ZNF236: variants seen among roughly 807,000 people sequenced by gnomAD.
ZNF236 encodes the protein regulated by glucose.
Under a neutral mutation model 191.2 loss-of-function variants are expected in ZNF236, and 50 were observed. The observed-to-expected ratio is 0.26, with a 90% confidence interval of 0.21 to 0.33. The LOEUF (loss-of-function observed/expected upper bound fraction) is 0.33. Ranked by LOEUF, ZNF236 falls within the 10% of genes least tolerant of loss-of-function variation. The pLI is 1.00. For synonymous variants in ZNF236, 907 were observed against 928.8 expected (o/e 0.98, Z 0.43); for missense variants, 1,754 against 2,374.5 (o/e 0.74, Z 5.43).
At chr18:76,867,622 G>A (rs1976454262) in intron 3 of ZNF236, among the ~76,000 whole-genome samples, 1 of 152,158 alleles carries the variant, frequency 6.6e-6, no homozygotes, top group African/African-American at 2.4e-5. Flanking sequence ...TCATTTTGAG[G>A]ATCATTTAAG....
rs1967198618 is a variant in ZNF236, at chr18:76,910,798, A to G, written c.2792A>G (p.Asp931Gly). Residue 931 changes from aspartate to glycine, a missense_variant, in exon 16 of 31, where the codon GAT (aspartate) becomes GGT (glycine). By Grantham distance (94) the Asp-to-Gly change is moderately conservative (BLOSUM62 -1). Around this residue, in one of 5 missense-constraint regions of ZNF236, gnomAD observed 641 missense variants for 869.6 expected, o/e 0.74. Coordinates refer to ENST00000320610, the MANE Select transcript of ZNF236 (RefSeq NM_001306089.2). ...AGCTTGCTGCAGGCTCCCAGCTCTGATGGGATGAATGTAGTGAGTATGGAC... is the reference window on the plus strand; with the variant it reads ...AGCTTGCTGCAGGCTCCCAGCTCTGGTGGGATGAATGTAGTGAGTATGGAC... ...QQSLLQAPSS[D>G]GMNVTTRLIQ... 6.2e-7 allele frequency: 1 copy of G among 1,613,956 alleles called. No individual in the cohort carries two copies. Among genetic ancestry groups the G allele is most frequent in the Non-Finnish European group, 8.5e-7 (1 of 1,179,986 alleles).
chr18:76,943,508 G>A (rs905203769), intron 26 of ZNF236, among the ~76,000 whole-genome samples: 1 of 152,168 alleles, frequency 6.6e-6, no homozygotes, highest in African/African-American at 2.4e-5. Context: ...ACTTATTCAT[G>A]AAGGGAATTC....
At position 76,939,250 on chromosome 18, in the gene ZNF236, T is replaced by A. The variant is rs147947126; in HGVS notation, c.4782+1907T>A. 3.7e-3 allele frequency among the ~76,000 whole-genome samples: 559 copies of A among 152,218 alleles called. 2 individuals carry two copies. Among genetic ancestry groups the A allele is most frequent in the African/African-American group, 0.013 (523 of 41,534 alleles). On this transcript the variant is annotated intron_variant, in intron 26 of 30. Coordinates refer to ENST00000320610, the MANE Select transcript of ZNF236 (RefSeq NM_001306089.2). ...TGGGAGTCTGAGGCAAGAGAATCAC[T>A]TGAACCTGGGAGGCAGAGATTGCTG...
Position 76,884,234 on chromosome 18 carries a change from T to C in ZNF236, c.1417+2722T>C, listed in dbSNP as rs143386529. ...GGACAACATGGTGAAACCCCGTCTC[T>C]ATTAAAAATACAAAAAATTAGCTGG... On this transcript the variant is annotated intron_variant, in intron 9 of 30. Coordinates refer to ENST00000320610, the MANE Select transcript of ZNF236 (RefSeq NM_001306089.2). Among the ~76,000 whole-genome samples the C allele has an allele frequency of 4.7e-3, 718 of 152,096 alleles. 6 individuals are homozygous for C. Among genetic ancestry groups the C allele is most frequent in the African/African-American group, 0.017 (691 of 41,472 alleles).
At chr18:76,905,669 T>C (rs954642993) in intron 13 of ZNF236, among the ~76,000 whole-genome samples, 7 of 152,322 alleles carry the variant, frequency 4.6e-5, no homozygotes, top group Middle Eastern at 3.4e-3. Context: ...TTATATTCTG[T>C]AAGCTGTCTT....
Position 76,908,501 on chromosome 18 carries a change from C to T in ZNF236, c.2479C>T (p.Gln827Ter). 6.2e-7 allele frequency: 1 copy of T among 1,614,040 alleles called. No individual in the cohort carries two copies. Residue 827 changes from glutamine (Q) to a stop codon, truncating the protein, a stop_gained, in exon 14 of 31, where the codon CAG becomes TAG. Transcript: ENST00000320610. LOFTEE classifies it high-confidence loss of function. ...CGAGGCCATGCTGGACCTGGAGCCT[C>T]AGCATGTGGTGGGCACGGAGGAAGC... Reference protein sequence around the residue: ...NPEAMLDLEPQHVVGTEEAGL... With the variant: ...NPEAMLDLEP
intron 7 of ZNF236, among the ~76,000 whole-genome samples, chr18:76,879,694 T>G (rs1366254412): frequency 1.3e-5 from 2 of 152,212 alleles, no homozygotes; most frequent in Admixed American, 6.5e-5. Flanking sequence ...GCGCCTTTAT[T>G]CCTCCAGTCT....
chr18:76,945,002 T>C (rs966038286), intron 26 of ZNF236, among the ~76,000 whole-genome samples: 5 of 152,216 alleles, frequency 3.3e-5, no homozygotes, highest in African/African-American at 9.6e-5. Flanking sequence ...TCACAAACAG[T>C]TGTTATCATT....
At chr18:76,956,652 C>G (rs1007861394) in intron 28 of ZNF236, among the ~76,000 whole-genome samples, 1 of 152,228 alleles carries the variant, frequency 6.6e-6, no homozygotes, top group Admixed American at 6.5e-5. Flanking sequence ...GCTGCCCACG[C>G]TTTCCACTGC....
At position 76,971,365 on chromosome 18, in the gene ZNF236, C is replaced by T. The variant is rs1027651118; in HGVS notation, c.*3026C>T. ...AAATAGAGGAAATGCTATGACATGG[C>T]ATCTGACAGCTTGCAGCCAGGTCAG... On this transcript the variant is annotated 3_prime_UTR_variant, in exon 31 of 31. Coordinates refer to ENST00000320610, the MANE Select transcript of ZNF236 (RefSeq NM_001306089.2). Among the ~76,000 whole-genome samples the T allele has an allele frequency of 6.6e-6, 1 of 152,216 alleles. No homozygotes were observed. The highest frequency in any genetic ancestry group is 2.4e-5 in the African/African-American group (1 of 41,438).
intron 30 of ZNF236, among the ~76,000 whole-genome samples, chr18:76,962,656 C>A (rs1378864548): frequency 2.0e-5 from 3 of 152,106 alleles, no homozygotes; most frequent in Non-Finnish European, 4.4e-5. Context: ...GCAGTATGGC[C>A]ATTTTCACAA....
rs907945482 is a variant in ZNF236 at position 76,841,376 on chromosome 18, G to A, written c.56-8150G>A. On this transcript the variant is annotated intron_variant, in intron 1 of 30. Coordinates refer to ENST00000320610, the MANE Select transcript of ZNF236 (RefSeq NM_001306089.2). Reference sequence around the variant, plus strand: ...CGTGAGCCTCCGCGCCCGGCCAGGTGAATCTGTTCTTGGAAAACAGTCTGC... The same window carrying A: ...CGTGAGCCTCCGCGCCCGGCCAGGTAAATCTGTTCTTGGAAAACAGTCTGC... Among the ~76,000 whole-genome samples the A allele has an allele frequency of 5.3e-5, 8 of 152,336 alleles. No individual in the cohort carries two copies. The East Asian group carries it at 1.5e-3, about 29-fold the overall frequency.
In ZNF236 at chr18:76,928,034, C is replaced by G. The variant is rs760786123; in HGVS notation, c.4522C>G (p.Leu1508Val). 1 of 1,614,002 alleles carries G rather than the reference C, an allele frequency of 6.2e-7. No homozygotes were observed. Among genetic ancestry groups the G allele is most frequent in the Non-Finnish European group, 8.5e-7 (1 of 1,179,954 alleles). ...TINNSSLSQV[L>V]AQAAGPTATS... ...TAACAACTCCAGCCTGAGCCAGGTC[C>G]TGGCACAGGCCGCTGGGCCCACTGC... Residue 1508 changes from leucine to valine, a missense_variant, in exon 25 of 31, where the codon CTG becomes GTG. Coordinates refer to ENST00000320610, the MANE Select transcript of ZNF236 (RefSeq NM_001306089.2).
In ZNF236 at chr18:76,971,619, C is replaced by A. The variant is rs1036964950; in HGVS notation, c.*3280C>A. Among the ~76,000 whole-genome samples, 1 of 152,262 alleles carries A rather than the reference C, an allele frequency of 6.6e-6. No individual in the cohort carries two copies. The highest frequency in any genetic ancestry group is 1.5e-5 in the Non-Finnish European group (1 of 68,046). ...ATTACAAGAGACGCATGTGTTAGCACAGCTACACAATTTTTAGAAGTAGAA... is the reference window on the plus strand; with the variant it reads ...ATTACAAGAGACGCATGTGTTAGCAAAGCTACACAATTTTTAGAAGTAGAA... On this transcript the variant is annotated 3_prime_UTR_variant, in exon 31 of 31. Transcript: ENST00000320610.
At chr18:76,932,914 C>T (rs1172177341) in intron 25 of ZNF236, among the ~76,000 whole-genome samples, 4 of 152,186 alleles carry the variant, frequency 2.6e-5, no homozygotes, top group East Asian at 1.9e-4. Context: ...TAGCTGCCCG[C>T]GTTTCTTTAA....
At chr18:76,881,804 C>T (rs145048303) in intron 9 of ZNF236, among the ~76,000 whole-genome samples, 6 of 152,286 alleles carry the variant, frequency 3.9e-5, no homozygotes, top group Admixed American at 3.3e-4. Flanking sequence ...TTGTTGTCTC[C>T]GACTGTTCTC....
In ZNF236 at chr18:76,904,431, A is replaced by G. The variant is rs781127572; in HGVS notation, c.1946A>G (p.Asn649Ser). 1.9e-6 allele frequency: 3 copies of G among 1,610,318 alleles called. No homozygotes were observed. Residue 649 changes from asparagine (N) to serine (S), a missense_variant, in exon 12 of 31, where the codon AAT (asparagine) becomes AGT (serine). Transcript: ENST00000320610. Reference sequence around the variant, plus strand: ...CAGTTTTTCCAAAGCTATTTCAATAATAATTTTGTCAATGAAGCAGATAGA... The same window carrying G: ...CAGTTTTTCCAAAGCTATTTCAATAGTAATTTTGTCAATGAAGCAGATAGA... Reference protein sequence around the residue: ...KNQFFQSYFNNNFVNEADRPY... With the variant: ...KNQFFQSYFNSNFVNEADRPY...
intron 26 of ZNF236, among the ~76,000 whole-genome samples, chr18:76,944,777 G>A (rs1047907412): frequency 2.0e-5 from 3 of 151,600 alleles, no homozygotes; most frequent in African/African-American, 7.3e-5. Context: ...GCACGACTCT[G>A]TCTCAAAAAA....
At chr18:76,873,745 G>A (rs544966949) in intron 5 of ZNF236, among the ~76,000 whole-genome samples, 2 of 152,246 alleles carry the variant, frequency 1.3e-5, no homozygotes, top group East Asian at 3.9e-4. Flanking sequence ...GTATCTCTTC[G>A]CAGGCAGTGT....
Sources: gnomAD v4.1 joint callset for allele counts (sites outside exome capture counted in the v4.1 genomes callset) on GRCh38, gnomAD v4.1.1 for gene constraint, gnomAD v4.1.1 regional missense constraint, MANE v1.5 for transcripts, NCBI Gene and HGNC (gene_info 2026-07-23, HGNC 2026-07-21) for gene names.